The following DNAH1 variants were observed in gnomAD, a reference collection of about 807,000 sequenced individuals.
The protein encoded by DNAH1 is dynein axonemal heavy chain 1, also known as axonemal beta dynein heavy chain 1.
A neutral mutation model predicts 484.3 loss-of-function variants in DNAH1; 327 were observed. That is an observed-to-expected ratio of 0.68 (90% CI 0.62 to 0.74). The LOEUF (loss-of-function observed/expected upper bound fraction) is 0.74. DNAH1 is among the 30% of genes least tolerant of loss of function. The pLI is 0.00. For missense variants in DNAH1, 5,052 were observed against 5,546.8 expected (o/e 0.91, Z 2.83); for synonymous variants, 2,192 against 2,191.9 (o/e 1.00, Z 0.00).
chr3:52,384,768 A>G lies in DNAH1; in HGVS notation c.8323-18A>G. The G allele has an allele frequency of 6.3e-7, 1 of 1,581,434 alleles. No individual in the cohort carries two copies. Among genetic ancestry groups the G allele is most frequent in the Non-Finnish European group, 8.6e-7 (1 of 1,163,056 alleles). ...TGGGGCCTCTACCAGGCCGGCATCC[A>G]TGGTCTTCCTCCCCCAGATCCAGGT... On this transcript the variant is annotated intron_variant, in intron 52 of 77. Transcript: ENST00000420323.
At chr3:52,389,608 G>A in intron 60 of DNAH1, 22 bp downstream of exon 60, 1 of 1,427,200 alleles carries the variant, frequency 7.0e-7, no homozygotes, top group East Asian at 2.9e-5. Context: ...AGGGGCAGGA[G>A]TGCCCAGGCA....
chr3:52,334,093 C>G (rs1437776326), intron 8 of DNAH1, among the ~76,000 whole-genome samples: 1 of 152,170 alleles, frequency 6.6e-6, no homozygotes, highest in African/African-American at 2.4e-5. Flanking sequence ...GTGCAAACAT[C>G]ATAGTGTGTA....
chr3:52,399,715 C>G lies in DNAH1; in HGVS notation c.12612C>G (p.Pro4204=), dbSNP rs373606892. Residue 4204 remains proline (P), a synonymous_variant, in exon 77 of 78, where the codon CCC becomes CCG. Transcript: ENST00000420323. ...EMAVIWLLPT[P]NRKAQDQDFY... ...CCGTTATCTGGCTCTTGCCAACACC[C>G]AACCGCAAGGCCCAGGACCAGGACT... 3.1e-4 allele frequency: 497 copies of G among 1,614,038 alleles called. 1 individual carries two copies. The highest frequency in any genetic ancestry group is 6.8e-4 in the South Asian group (62 of 91,092).
Position 52,362,494 on chromosome 3 carries a change from A to G in DNAH1, c.5087A>G (p.Asn1696Ser). Reference protein sequence around the residue: ...GYAGRTELPDNLKALFRPVAM... With the variant: ...GYAGRTELPDSLKALFRPVAM... ...GCTGGCCGCACGGAGCTGCCTGACAATCTGAAGGCAAGTGCAGGCCCAGAG... is the reference window on the plus strand; with the variant it reads ...GCTGGCCGCACGGAGCTGCCTGACAGTCTGAAGGCAAGTGCAGGCCCAGAG... Residue 1696 changes from asparagine to serine, a missense_variant, in exon 31 of 78, where the codon AAT (asparagine) becomes AGT (serine). Around this residue, in one of 4 missense-constraint regions of DNAH1, gnomAD observed 2,929 missense variants for 3,409.4 expected, o/e 0.86. Coordinates refer to ENST00000420323, the MANE Select transcript of DNAH1 (RefSeq NM_015512.5). The surrounding 1 kb of genome is among the most constrained non-coding windows in gnomAD (Gnocchi z 5.1). 6.2e-7 allele frequency: 1 copy of G among 1,613,490 alleles called. No homozygotes were observed. The highest frequency in any genetic ancestry group is 8.5e-7 in the Non-Finnish European group (1 of 1,179,784).
intron 12 of DNAH1, 141 bp downstream of exon 12, chr3:52,348,115 A>T: frequency 1.2e-6 from 1 of 836,480 alleles, no homozygotes; most frequent in Non-Finnish European, 1.8e-6. Context: ...TGTAAATCTC[A>T]AATATCCCAT....
In DNAH1 at chr3:52,355,175, C is replaced by A; in HGVS notation, c.3693+120C>A. ...CATCGCAGTGCCTTGCCCTCATTCA[C>A]ACAGCCCCTGGCTCTCTGGCAGGCC... is the stretch of plus-strand genomic sequence containing the variant. On this transcript the variant is annotated intron_variant, in intron 21 of 77. Coordinates refer to ENST00000420323, the MANE Select transcript of DNAH1 (RefSeq NM_015512.5). The surrounding 1 kb of genome is among the most constrained non-coding windows in gnomAD (Gnocchi z 4.5). 1.0e-6 allele frequency: 1 copy of A among 1,001,786 alleles called. No individual in the cohort carries two copies. The highest frequency in any genetic ancestry group is 1.5e-6 in the Non-Finnish European group (1 of 668,898). The allele number at this position is 1,001,786 out of a possible 1,614,324, so 62.1% of individuals were successfully genotyped here.
intron 20 of DNAH1, among the ~76,000 whole-genome samples, chr3:52,354,248 C>T (rs1178118108): frequency 6.6e-6 from 1 of 152,206 alleles, no homozygotes; most frequent in Non-Finnish European, 1.5e-5. Flanking sequence ...CAGGATGACA[C>T]AGTAAATGCC....
Position 52,372,098 on chromosome 3 carries a change from C to T in DNAH1, c.6666+12C>T, listed in dbSNP as rs748209632. On this transcript the variant is annotated intron_variant, in intron 42 of 77. Coordinates refer to ENST00000420323, the MANE Select transcript of DNAH1 (RefSeq NM_015512.5). ...CCAACAAGAAGCCCGTGAGCACCCC[C>T]CCAGGCCCTGCCTCCACTGTCCCCA... 1 of 1,612,914 alleles carries T rather than the reference C, an allele frequency of 6.2e-7. No individual in the cohort carries two copies. Among genetic ancestry groups the T allele is most frequent in the African/African-American group, 1.3e-5 (1 of 74,926 alleles).
rs950353955 is a variant in DNAH1, at chr3:52,370,592, C to T, written c.6374C>T (p.Thr2125Ile). ...GCCACTGGGGACAGCAGTGGCCGCA[C>T]CAGTTTCAGCCACTGGCTAAGGCTC... ...VGATGDSSGR[T>I]SFSHWLRLKM... The change falls in exon 40 of 78, where the codon ACC (threonine) becomes ATC (isoleucine). Residue 2125 changes from threonine (T) to isoleucine (I), a missense_variant. Coordinates refer to ENST00000420323, the MANE Select transcript of DNAH1 (RefSeq NM_015512.5). The T allele has an allele frequency of 3.7e-6, 6 of 1,613,068 alleles. No individual in the cohort carries two copies. The Admixed American group carries it at 5.0e-5, about 13-fold the overall frequency.
At position 52,397,028 on chromosome 3, in the gene DNAH1, C is replaced by T. The variant is rs1393060676; in HGVS notation, c.11771C>T (p.Pro3924Leu). 1 of 1,607,062 alleles carries T rather than the reference C, an allele frequency of 6.2e-7. No individual in the cohort carries two copies. Among genetic ancestry groups the T allele is most frequent in the Non-Finnish European group, 8.5e-7 (1 of 1,177,010 alleles). The change falls in exon 73 of 78, where the codon CCT becomes CTT. Residue 3924 changes from proline to leucine, a missense_variant. Physicochemically the swap from Pro to Leu is moderately conservative, Grantham distance 98. Around this residue, in one of 4 missense-constraint regions of DNAH1, gnomAD observed 853 missense variants for 899.0 expected, o/e 0.95. Transcript: ENST00000420323. ...SASGIYHQIP[P>L]TYDLHGYLSY... is the part of the protein sequence containing the mutation. ...TCGGGCATCTACCACCAGATCCCGC[C>T]TACCTACGACCTCCACGTGAGTCCA...
chr3:52,334,258 A>C (rs1029022053), intron 8 of DNAH1, among the ~76,000 whole-genome samples: 1 of 152,204 alleles, frequency 6.6e-6, no homozygotes, highest in Non-Finnish European at 1.5e-5. Context: ...AACATAGAAA[A>C]GGTACAGTAA....
intron 6 of DNAH1, among the ~76,000 whole-genome samples, chr3:52,330,272 C>T (rs568664143): frequency 5.3e-5 from 8 of 152,318 alleles, no homozygotes; most frequent in Non-Finnish European, 8.8e-5. Flanking sequence ...CGCTCCTGCC[C>T]TTAGTGAGTT....
In DNAH1 at chr3:52,395,174, C is replaced by G. The variant is rs996127905; in HGVS notation, c.10968+115C>G. The G allele has an allele frequency of 2.7e-6, 4 of 1,495,792 alleles. 1 individual carries two copies. The highest frequency in any genetic ancestry group is 4.9e-5 in the East Asian group (2 of 40,688). The allele number at this position is 1,495,792 out of a possible 1,614,324, so 92.7% of individuals were successfully genotyped here. On this transcript the variant is annotated intron_variant, in intron 68 of 77. Transcript: ENST00000420323. This position sits in a 1 kb window ranked among gnomAD's most constrained non-coding sequence, Gnocchi z 4.4. The stretch of plus-strand genomic sequence containing the variant: ...GGCCAGGCCAGGACCCCTGCTTGCT[C>G]CCTAAAGGCTCTGAGGTTCCAGCCC...
Position 52,374,398 on chromosome 3 carries a change from C to T in DNAH1, c.6986-842C>T, listed in dbSNP as rs188796620. ...GTGCAGTTTTTAGAAAAGGACAGCA[C>T]CCCCACAGAACCAGTGGTGATGACA... is the stretch of plus-strand genomic sequence containing the variant. On this transcript the variant is annotated intron_variant, in intron 44 of 77. Transcript: ENST00000420323. The T allele has an allele frequency of 6.0e-6, 8 of 1,332,504 alleles. No homozygotes were observed. The East Asian group carries it at 1.8e-4, about 31-fold the overall frequency. 82.5% of individuals were successfully genotyped at this position (1,332,504 alleles called of 1,614,324 possible).
In DNAH1 at chr3:52,336,031, A is replaced by G. The variant is rs556823776; in HGVS notation, c.1286+3637A>G. Among the ~76,000 whole-genome samples, 92 of 152,206 alleles carry G rather than the reference A, an allele frequency of 6.0e-4. 1 individual carries two copies. Among genetic ancestry groups the G allele is most frequent in the Non-Finnish European group, 9.6e-4 (65 of 68,006 alleles). On this transcript the variant is annotated intron_variant, in intron 8 of 77. Coordinates refer to ENST00000420323, the MANE Select transcript of DNAH1 (RefSeq NM_015512.5). ...TGGATATTAGACCTTTGTCAGATGCATAGTTTGTGAATATTTTCTCCAGTT... is the reference window on the plus strand; with the variant it reads ...TGGATATTAGACCTTTGTCAGATGCGTAGTTTGTGAATATTTTCTCCAGTT...
chr3:52,377,284 C>T (rs1417109419), intron 46 of DNAH1, among the ~76,000 whole-genome samples: 3 of 151,978 alleles, frequency 2.0e-5, no homozygotes, highest in South Asian at 2.1e-4. Context: ...GGGGTCTTGG[C>T]GCCATCCTCC....
intron 34 of DNAH1, 27 bp from the exon 35 acceptor site, chr3:52,366,430 C>T (rs753406877): frequency 2.2e-5 from 34 of 1,560,844 alleles, no homozygotes; most frequent in Non-Finnish European, 2.8e-5. Flanking sequence ...ATGCTCTGAC[C>T]CTTGGGCCCC....
rs1702843688 is a variant in DNAH1 at position 52,361,218 on chromosome 3, T to G, written c.4740T>G (p.Ala1580=). The change falls in exon 29 of 78, where the codon GCT becomes GCG. Residue 1580 remains alanine (A), a synonymous_variant. Coordinates refer to ENST00000420323, the MANE Select transcript of DNAH1 (RefSeq NM_015512.5). The surrounding 1 kb of genome is among the most constrained non-coding windows in gnomAD (Gnocchi z 5.6). ...ALHLKFGGAP[A]GPAGTGKTET... is the part of the protein sequence containing the mutation. ...ACCTCAAGTTTGGGGGTGCCCCAGC[T>G]GGCCCAGCTGGCACAGGCAAAACTG... 1 of 1,612,756 alleles carries G rather than the reference T, an allele frequency of 6.2e-7. No individual in the cohort carries two copies. Among genetic ancestry groups the G allele is most frequent in the Non-Finnish European group, 8.5e-7 (1 of 1,179,578 alleles).
At chr3:52,365,582 C>G in intron 34 of DNAH1, among the ~76,000 whole-genome samples, 1 of 152,156 alleles carries the variant, frequency 6.6e-6, no homozygotes, top group African/African-American at 2.4e-5. Flanking sequence ...CCTCTCATCC[C>G]GAACCCTCGC....
Sources: allele counts gnomAD v4.1 joint callset (sites outside exome capture counted in the v4.1 genomes callset), GRCh38; gene constraint gnomAD v4.1.1; regional missense constraint gnomAD v4.1.1; non-coding constraint Gnocchi (gnomAD v3.1); transcripts MANE v1.5; gene names NCBI Gene and HGNC (gene_info 2026-07-23, HGNC 2026-07-21).